ERP27: variants seen among roughly 807,000 people sequenced by gnomAD.
ERP27 encodes the protein endoplasmic reticulum protein 27.
Under a neutral mutation model 27.7 loss-of-function variants are expected in ERP27, and 23 were observed. The observed-to-expected ratio is 0.83, with a 90% CI of 0.60 to 1.18. The LOEUF (loss-of-function observed/expected upper bound fraction) is 1.18, where lower values mean the gene tolerates loss of function less well. ERP27 is among the 50% of genes most tolerant of loss of function. The pLI, the probability that ERP27 is intolerant of heterozygous loss-of-function variation, is 0.00. For missense variants in ERP27, 363 were observed against 327.9 expected, an observed-to-expected ratio of 1.11 and a Z score of -0.83; for synonymous variants, 159 against 118.3, an observed-to-expected ratio of 1.34 and a Z score of -2.23.
intron 3 of ERP27, chr12:14,928,865 A>G: frequency 1.3e-5 from 18 of 1,426,364 alleles, no homozygotes; most frequent in Non-Finnish European, 1.7e-5. Flanking sequence ...CCATATCAAG[A>G]CGAATGAGTA....
chr12:14,923,533 A>ATCTG (rs1243119089), intron 3 of ERP27, among the ~76,000 whole-genome samples: 2 of 151,176 alleles, frequency 1.3e-5, no homozygotes, highest in Non-Finnish European at 2.9e-5. Flanking sequence ...CTATCTATCT[A>ATCTG]TCTATATTAC....
intron 2 of ERP27, among the ~76,000 whole-genome samples, chr12:14,936,067 G>C (rs1200201858): frequency 6.6e-6 from 1 of 152,020 alleles, no homozygotes; most frequent in Non-Finnish European, 1.5e-5. Flanking sequence ...TGGTTTACTG[G>C]ATCTTCAAAT....
In ERP27 at chr12:14,914,195, C is replaced by G. The variant is rs59456014; in HGVS notation, c.*540G>C. On this transcript the variant is annotated 3_prime_UTR_variant, in exon 7 of 7. Coordinates refer to ENST00000266397, the MANE Select transcript of ERP27 (RefSeq NM_152321.4). ...AACTTCTGGCAAAAAGACAATTTCA[C>G]AAAGGTGTTTAAAACCATCCTTTGG... 0.052 allele frequency: 7,942 copies of G among 152,442 alleles called. 548 individuals carry two copies. Among genetic ancestry groups the G allele is most frequent in the African/African-American group, 0.15 (6,427 of 41,494 alleles). The allele number at this position is 152,442 out of a possible 1,614,324, so 9.4% of individuals were successfully genotyped here.
intron 5 of ERP27, 37 bp from the exon 6 acceptor site, chr12:14,915,723 T>A (rs1458888590): frequency 6.3e-7 from 1 of 1,584,122 alleles, no homozygotes; most frequent in South Asian, 1.1e-5. Context: ...AAGTTCTATC[T>A]GAGGTGACGT....
chr12:14,916,068 G>T (rs547390660), intron 5 of ERP27, among the ~76,000 whole-genome samples: 4 of 152,088 alleles, frequency 2.6e-5, no homozygotes, highest in Non-Finnish European at 4.4e-5. Flanking sequence ...TCACAATTTG[G>T]TGCTGGGCTT....
chr12:14,920,189 G>A (rs562611936), intron 4 of ERP27, among the ~76,000 whole-genome samples: 1 of 152,344 alleles, frequency 6.6e-6, no homozygotes, highest in African/African-American at 2.4e-5. Flanking sequence ...GAAAGTGTTA[G>A]AAGTCCATTT....
At chr12:14,928,896 A>C (rs757819414) in intron 3 of ERP27, 1 of 1,517,076 alleles carries the variant, frequency 6.6e-7, no homozygotes, top group South Asian at 1.2e-5. Context: ...ATGAGCACAC[A>C]AAAAAATAAT....
At chr12:14,932,266 A>G (rs2430709) in intron 3 of ERP27, among the ~76,000 whole-genome samples, 1 of 152,158 alleles carries the variant, frequency 6.6e-6, no homozygotes, top group African/African-American at 2.4e-5. Context: ...GAAAATAGAG[A>G]TAAGGAGTTA....
intron 3 of ERP27, among the ~76,000 whole-genome samples, chr12:14,923,340 A>G (rs1331161546): frequency 6.6e-6 from 1 of 151,890 alleles, no homozygotes; most frequent in East Asian, 1.9e-4. Flanking sequence ...TTCAGCCTTC[A>G]TATTTGTATG....
rs1286873197 is a variant in ERP27 at position 14,914,261 on chromosome 12, G to C, written c.*474C>G. On this transcript the variant is annotated 3_prime_UTR_variant, in exon 7 of 7. Coordinates refer to ENST00000266397, the MANE Select transcript of ERP27 (RefSeq NM_152321.4). The stretch of plus-strand genomic sequence containing the variant: ...CAGAGACGGACATGTGCTTATGAAA[G>C]AAGGTAGAGTTTCAACCCTTAGGTA... 6.5e-6 allele frequency: 1 copy of C among 153,486 alleles called. No individual in the cohort carries two copies. Among genetic ancestry groups the C allele is most frequent in the Non-Finnish European group, 1.5e-5 (1 of 68,948 alleles). 9.5% of individuals were successfully genotyped at this position (153,486 alleles called of 1,614,324 possible).
chr12:14,921,012 T>A lies in ERP27; in HGVS notation c.370A>T (p.Ile124Phe), dbSNP rs758861197. The A allele has an allele frequency of 1.2e-6, 2 of 1,614,160 alleles. No individual in the cohort carries two copies. Among genetic ancestry groups the A allele is most frequent in the Non-Finnish European group, 1.7e-6 (2 of 1,179,984 alleles). ...AATTTGGTGGCATCAATGCTTTCAA[T>A]GTCTTCGTCCTCTAAATTCAGTTGT... is the stretch of plus-strand genomic sequence containing the variant. The part of the protein sequence containing the change: ...NEQLNLEDED[I>F]ESIDATKLSR... The change falls in exon 4 of 7, where the codon ATT becomes TTT. Residue 124 changes from isoleucine to phenylalanine, a missense_variant. Ile to Phe is a conservative substitution (Grantham distance 21). Transcript: ENST00000266397.
intron 2 of ERP27, among the ~76,000 whole-genome samples, chr12:14,937,237 T>C (rs907304716): frequency 4.0e-5 from 6 of 151,806 alleles, no homozygotes; most frequent in African/African-American, 1.5e-4. Context: ...TAATCAGGAG[T>C]TGTAACTGAG....
intron 3 of ERP27, among the ~76,000 whole-genome samples, chr12:14,921,829 C>T (rs1863508591): frequency 6.6e-6 from 1 of 152,020 alleles, no homozygotes. Flanking sequence ...TTATGTTGAC[C>T]ATTTTCATCC....
Position 14,937,987 on chromosome 12 carries a change from CA to C in ERP27, c.159del (p.Ile53MetfsTer9). The C allele has an allele frequency of 1.2e-6, 2 of 1,614,066 alleles. No individual in the cohort carries two copies. The highest frequency in any genetic ancestry group is 1.7e-6 in the Non-Finnish European group (2 of 1,179,982). ...CCTATGACAGCCACCTCAGTGGCAG[CA>C]ATGAATTCCATGGCAGCTGGGACAT... ...LTDVPAAMEF[I>X]AATEVAVIGF... On this transcript the variant is annotated frameshift_variant, in exon 2 of 7. Transcript: ENST00000266397. LOFTEE classifies it high-confidence loss of function.
rs1372560412 is a variant in ERP27 at position 14,938,043 on chromosome 12, C to A, written c.104G>T (p.Gly35Val). The A allele has an allele frequency of 1.2e-6, 2 of 1,613,722 alleles. No individual in the cohort carries two copies. Among genetic ancestry groups the A allele is most frequent in the Non-Finnish European group, 1.7e-6 (2 of 1,179,814 alleles). Residue 35 changes from glycine (G) to valine (V), a missense_variant, in exon 2 of 7, where the codon GGT (glycine) becomes GTT (valine). Gly to Val is a moderately radical substitution (Grantham distance 109). Coordinates refer to ENST00000266397, the MANE Select transcript of ERP27 (RefSeq NM_152321.4). ...AEVEKSSDGP[G>V]AAQEPTWLTD... ...GAGCCACGTGGGTTCCTGGGCAGCA[C>A]CAGGACCATCTAGAGAGAGAAGCAG...
In ERP27 at chr12:14,934,917, G is replaced by T; in HGVS notation, c.272C>A (p.Thr91Asn). The change falls in exon 3 of 7, where the codon ACT becomes AAT. Residue 91 changes from threonine (T) to asparagine (N), a missense_variant. By Grantham distance (65) the Thr-to-Asn change is moderately conservative (BLOSUM62 0). Coordinates refer to ENST00000266397, the MANE Select transcript of ERP27 (RefSeq NM_152321.4). Reference protein sequence around the residue: ...KFPGVSFGISTDSEVLTHYNI... With the variant: ...KFPGVSFGISNDSEVLTHYNI... ...GTAGTGTGTCAGAACCTCAGAATCA[G>T]TGCTGATCCCAAATGACACGCCTGG... is the stretch of plus-strand genomic sequence containing the variant. The T allele has an allele frequency of 1.2e-6, 2 of 1,614,176 alleles. No individual in the cohort carries two copies. Among genetic ancestry groups the T allele is most frequent in the Non-Finnish European group, 1.7e-6 (2 of 1,180,022 alleles).
intron 3 of ERP27, among the ~76,000 whole-genome samples, chr12:14,932,715 G>C (rs1277130931): frequency 6.6e-6 from 1 of 152,342 alleles, no homozygotes. Flanking sequence ...AGTAAAAGGA[G>C]ATCTGTTCAG....
chr12:14,938,116 G>A (rs1303243742), intron 1 of ERP27, 64 bp from the exon 2 acceptor site: 14 of 1,329,162 alleles, frequency 1.1e-5, no homozygotes, highest in Non-Finnish European at 1.5e-5. Context: ...AAATAATGAG[G>A]GCATCTATAC....
chr12:14,934,860 C>T lies in ERP27; in HGVS notation c.329G>A (p.Arg110His), dbSNP rs752380857. 5.3e-5 allele frequency: 86 copies of T among 1,613,740 alleles called. No individual in the cohort carries two copies. Among genetic ancestry groups the T allele is most frequent in the Non-Finnish European group, 6.9e-5 (81 of 1,179,838 alleles). ...CAAGCTACCCACCCAACTTACCAGGCGAAAGAGGCAGATGGTGTTCCCAGT... is the reference window on the plus strand; with the variant it reads ...CAAGCTACCCACCCAACTTACCAGGTGAAAGAGGCAGATGGTGTTCCCAGT... ...NITGNTICLF[R>H]LVDNEQLNLE... The change falls in exon 3 of 7, where the codon CGC becomes CAC. Residue 110 changes from arginine to histidine, a missense_variant. By Grantham distance (29) the Arg-to-His change is conservative (BLOSUM62 0). Coordinates refer to ENST00000266397, the MANE Select transcript of ERP27 (RefSeq NM_152321.4).
Sources: allele counts gnomAD v4.1 joint callset (sites outside exome capture counted in the v4.1 genomes callset), GRCh38; gene constraint gnomAD v4.1.1; transcripts MANE v1.5; gene names NCBI Gene and HGNC (gene_info 2026-07-23, HGNC 2026-07-21).